MIGA1: variants seen among roughly 807,000 people sequenced by gnomAD.
MIGA1 encodes the protein family with sequence similarity 73, member A.
Under a neutral mutation model 82.0 loss-of-function variants are expected in MIGA1, and 58 were observed. The ratio of observed to expected loss-of-function variants is 0.71; its 90% confidence interval spans 0.57 to 0.88. The LOEUF (loss-of-function observed/expected upper bound fraction) is 0.88, where lower values mean the gene tolerates loss of function less well. Among genes scored for constraint, MIGA1 ranks in the 40% least tolerant of loss-of-function variants. The pLI is 0.00. For synonymous variants in MIGA1, 249 were observed against 253.6 expected (o/e 0.98, Z 0.17); for missense variants, 751 against 749.1 (o/e 1.00, Z -0.03).
intron 10 of MIGA1, 24 bp downstream of exon 10, chr1:77,859,410 T>G (rs1337658926): frequency 6.4e-7 from 1 of 1,564,466 alleles, no homozygotes; most frequent in South Asian, 1.1e-5. Context: ...ATTAAGTGAC[T>G]TCACCCAGCC....
At chr1:77,850,963 G>A (rs1360010771) in intron 8 of MIGA1, among the ~76,000 whole-genome samples, 1 of 151,788 alleles carries the variant, frequency 6.6e-6, no homozygotes, top group East Asian at 1.9e-4. Context: ...TCTACCTCCC[G>A]TGTTCAAGTG....
Position 77,873,039 on chromosome 1 carries a change from T to C in MIGA1, c.1599T>C (p.Ile533=), listed in dbSNP as rs1557941761. 1 of 1,614,080 alleles carries C rather than the reference T, an allele frequency of 6.2e-7. No individual in the cohort carries two copies. Among genetic ancestry groups the C allele is most frequent in the Non-Finnish European group, 8.5e-7 (1 of 1,179,974 alleles). Residue 533 remains isoleucine, a synonymous_variant, in exon 15 of 16, where the codon ATT becomes ATC. Coordinates refer to ENST00000370791, the MANE Select transcript of MIGA1 (RefSeq NM_198549.4). ...GATTTTTTGCCCATTTTTATGCCAT[T>C]TGTGAACACATCAGTCCTGTCCTAG...
chr1:77,831,664 A>G (rs1684251627), intron 7 of MIGA1, among the ~76,000 whole-genome samples: 1 of 152,206 alleles, frequency 6.6e-6, no homozygotes, highest in Non-Finnish European at 1.5e-5. Context: ...CTGTCATATC[A>G]TGACGAATGT....
At chr1:77,847,294 A>G in intron 8 of MIGA1, 3 of 931,222 alleles carry the variant, frequency 3.2e-6, no homozygotes, top group Non-Finnish European at 5.4e-6. Flanking sequence ...ACTGGAATCC[A>G]GAAGGCCCTT....
intron 4 of MIGA1, 26 bp downstream of exon 4, chr1:77,803,432 T>C (rs1203384079): frequency 3.1e-6 from 4 of 1,282,906 alleles, no homozygotes; most frequent in Non-Finnish European, 4.1e-6. Flanking sequence ...ATATTAATTT[T>C]TAAAATTTTT....
intron 4 of MIGA1, among the ~76,000 whole-genome samples, chr1:77,805,016 ACGGAGTCTCACTCTGT>A (rs1557902042): frequency 8.6e-6 from 1 of 116,364 alleles, no homozygotes. Context: ...TTTTTTTGAG[ACGGAGTCTCACTCTGT>A]CGCCCAGGCT....
Position 77,815,151 on chromosome 1 carries a change from T to A in MIGA1, c.815T>A (p.Leu272Gln), listed in dbSNP as rs1242170788. ...TTTATCCATAAACTCGAAGCTCTGC[T>A]GCAAAGAGCCTATCGTCTCCAAGAG... Residue 272 changes from leucine (L) to glutamine (Q), a missense_variant, in exon 7 of 16, where the codon CTG (leucine) becomes CAG (glutamine). By Grantham distance (113) the Leu-to-Gln change is moderately radical. Transcript: ENST00000370791. The A allele has an allele frequency of 6.2e-7, 1 of 1,605,334 alleles. No homozygotes were observed. The highest frequency in any genetic ancestry group is 1.7e-5 in the Admixed American group (1 of 59,486).
chr1:77,808,650 C>T (rs996295796), intron 5 of MIGA1, among the ~76,000 whole-genome samples: 1 of 152,128 alleles, frequency 6.6e-6, no homozygotes, highest in Non-Finnish European at 1.5e-5. Context: ...AATGCTTTTC[C>T]CTGTTCTCTG....
At chr1:77,790,388 T>A (rs1570920521) in intron 2 of MIGA1, among the ~76,000 whole-genome samples, 1 of 151,930 alleles carries the variant, frequency 6.6e-6, no homozygotes, top group African/African-American at 2.4e-5. Context: ...TGCCTCAGTC[T>A]CCTGAGTAGC....
In MIGA1 at chr1:77,874,855, C is replaced by A. The variant is rs151188678; in HGVS notation, c.1690C>A (p.Leu564Ile). ...TATGTTCATTTTCCAGAATCAAGTTCTTTTATTTCTCAAAGACATTTTTGA... is the reference window on the plus strand; with the variant it reads ...TATGTTCATTTTCCAGAATCAAGTTATTTTATTTCTCAAAGACATTTTTGA... Residue 564 changes from leucine (L) to isoleucine (I), a missense_variant, in exon 16 of 16, where the codon CTT becomes ATT. By Grantham distance (5) the Leu-to-Ile change is conservative. Transcript: ENST00000370791. 8.8e-4 allele frequency: 1,420 copies of A among 1,612,340 alleles called. 2 individuals carry two copies. Among genetic ancestry groups the A allele is most frequent in the Non-Finnish European group, 1.1e-3 (1,319 of 1,179,146 alleles).
intron 7 of MIGA1, among the ~76,000 whole-genome samples, chr1:77,835,832 C>T (rs530622293): frequency 3.9e-4 from 59 of 152,114 alleles, no homozygotes; most frequent in African/African-American, 1.2e-3. Context: ...CCTCTAATTC[C>T]GGCTACTTGG....
intron 7 of MIGA1, among the ~76,000 whole-genome samples, chr1:77,831,348 A>T (rs1044571115): frequency 6.6e-6 from 1 of 152,190 alleles, no homozygotes; most frequent in East Asian, 1.9e-4. Context: ...AAAAGTGGCT[A>T]TAAATGGGTA....
At chr1:77,780,908 C>CT (rs1351911649) in intron 1 of MIGA1, among the ~76,000 whole-genome samples, 372 of 133,188 alleles carry the variant, frequency 2.8e-3, no homozygotes, top group East Asian at 0.016. Context: ...TTTCTTTTTT[C>CT]TTTTTTTTTT....
intron 15 of MIGA1, 44 bp downstream of exon 15, chr1:77,873,164 A>T (rs745561877): frequency 5.2e-6 from 8 of 1,547,566 alleles, no homozygotes; most frequent in Non-Finnish European, 7.1e-6. Context: ...TTCTAAATCA[A>T]AAAGGAGATA....
chr1:77,815,611 G>A (rs1028667138), intron 7 of MIGA1, among the ~76,000 whole-genome samples: 1 of 152,176 alleles, frequency 6.6e-6, no homozygotes, highest in African/African-American at 2.4e-5. Flanking sequence ...TGTATGTTGG[G>A]ACCCACTTTA....
At chr1:77,846,573 A>T (rs916823897) in intron 8 of MIGA1, among the ~76,000 whole-genome samples, 1 of 152,004 alleles carries the variant, frequency 6.6e-6, no homozygotes, top group Non-Finnish European at 1.5e-5. Flanking sequence ...AGCTCAAGCA[A>T]TCCTCCCTCG....
At position 77,874,986 on chromosome 1, in the gene MIGA1, C is replaced by T. The variant is rs1646882983; in HGVS notation, c.1821C>T (p.Ala607=). 1 of 1,614,046 alleles carries T rather than the reference C, an allele frequency of 6.2e-7. No homozygotes were observed. Among genetic ancestry groups the T allele is most frequent in the Non-Finnish European group, 8.5e-7 (1 of 1,180,000 alleles). ...TAATGGCCTATCTTGAAGCAGATGC[C>T]CTGAGGCATACAAGTAGTTGTCTAA... Residue 607 remains alanine, a synonymous_variant, in exon 16 of 16, where the codon GCC becomes GCT. Coordinates refer to ENST00000370791, the MANE Select transcript of MIGA1 (RefSeq NM_198549.4).
chr1:77,812,754 CA>C (rs1683390843), intron 5 of MIGA1, among the ~76,000 whole-genome samples: 1 of 151,942 alleles, frequency 6.6e-6, no homozygotes, highest in African/African-American at 2.4e-5. Context: ...ATCACATGTT[CA>C]TTTTTTTTTC....
At chr1:77,785,364 A>G (rs1301042714) in intron 2 of MIGA1, among the ~76,000 whole-genome samples, 1 of 148,792 alleles carries the variant, frequency 6.7e-6, no homozygotes, top group Non-Finnish European at 1.5e-5. Flanking sequence ...TTTTTTTGAG[A>G]GGGAGTTTGG....
Sources: allele counts gnomAD v4.1 joint callset (sites outside exome capture counted in the v4.1 genomes callset), GRCh38; gene constraint gnomAD v4.1.1; transcripts MANE v1.5; gene names NCBI Gene and HGNC (gene_info 2026-07-23, HGNC 2026-07-21).